FCGR1A: variants seen among roughly 807,000 people sequenced by gnomAD.
FCGR1A encodes the protein Fc gamma receptor Ia.
In FCGR1A, 13 loss-of-function variants were observed where a neutral mutation model predicts 35.0. That is an observed-to-expected ratio of 0.37 (90% CI 0.24 to 0.59). FCGR1A has a LOEUF of 0.59. FCGR1A is among the 20% of genes least tolerant of loss of function. FCGR1A has a pLI of 0.71. For missense variants in FCGR1A, 227 were observed against 430.0 expected, an observed-to-expected ratio of 0.53 and a Z score of 4.17; for synonymous variants, 91 against 164.7, an observed-to-expected ratio of 0.55 and a Z score of 3.43.
Position 149,790,345 on chromosome 1 carries a change from G to A in FCGR1A, c.844+7G>A. ...TTGGAGCTTCAAGTGCTTGGTGAGT[G>A]AGAATGACGGGAAGCCACTGGCACA... On this transcript the variant is annotated splice_region_variant and intron_variant, in intron 5 of 5. Coordinates refer to ENST00000369168, the MANE Select transcript of FCGR1A (RefSeq NM_000566.4). 6.3e-7 allele frequency: 1 copy of A among 1,585,376 alleles called. No homozygotes were observed. Among genetic ancestry groups the A allele is most frequent in the Non-Finnish European group, 8.6e-7 (1 of 1,166,080 alleles).
At chr1:149,784,335 T>C (rs1266558257) in intron 3 of FCGR1A, 78 bp downstream of exon 3, 1 of 1,611,482 alleles carries the variant, frequency 6.2e-7, no homozygotes, top group Admixed American at 1.7e-5. Flanking sequence ...ATGCCAGATG[T>C]GTGTGTGTCG....
At chr1:149,799,332 T>C in the FCGR1A span, among the ~76,000 whole-genome samples, 1 of 152,300 alleles carries the variant, frequency 6.6e-6, no homozygotes, top group Admixed American at 6.5e-5. Flanking sequence ...TTCATAAGCA[T>C]TTTCCCTGAA....
At chr1:149,790,024 A>C in intron 4 of FCGR1A, 30 bp from the exon 5 acceptor site, 1 of 1,611,734 alleles carries the variant, frequency 6.2e-7, no homozygotes, top group Non-Finnish European at 8.5e-7. Flanking sequence ...CTAAACAGGC[A>C]ACCTTGTCCC....
downstream of FCGR1A, chr1:149,793,219 TG>T: frequency 7.9e-7 from 1 of 1,268,772 alleles, no homozygotes; most frequent in African/African-American, 1.6e-5. Context: ...TTTCTTGGCT[TG>T]TCGCAAGAGC....
chr1:149,785,879 TA>T (rs2091536361), intron 3 of FCGR1A: 1 of 152,112 alleles, frequency 6.6e-6, no homozygotes, highest in South Asian at 2.1e-4. Flanking sequence ...GAACTTCATA[TA>T]AAGGGCTACG....
chr1:149,799,410 C>G, the FCGR1A span, among the ~76,000 whole-genome samples: 1 of 152,206 alleles, frequency 6.6e-6, no homozygotes, highest in Non-Finnish European at 1.5e-5. Context: ...TCCTTCTCAT[C>G]ATGTATGCTC....
At chr1:149,792,694 G>A (rs1317142824), downstream of FCGR1A, 26 of 1,281,798 alleles carry the variant, frequency 2.0e-5, 1 homozygote, top group East Asian at 1.1e-4. Flanking sequence ...ACCCAGCTGC[G>A]GCGAAAGCTG....
downstream of FCGR1A, chr1:149,793,128 C>A: frequency 7.8e-7 from 1 of 1,274,452 alleles, no homozygotes. Flanking sequence ...CAGGTGCGCC[C>A]GGCCGAGCCT....
At chr1:149,791,208 T>C (rs1553751804) in intron 5 of FCGR1A, 29 bp from the exon 6 acceptor site, 2 of 1,606,136 alleles carry the variant, frequency 1.2e-6, no homozygotes, top group Non-Finnish European at 1.7e-6. Flanking sequence ...CTAAATAGTA[T>C]CTCTTCTCTT....
downstream of FCGR1A, chr1:149,792,683 G>T (rs1449511065): frequency 4.7e-6 from 6 of 1,280,368 alleles, no homozygotes; most frequent in African/African-American, 6.3e-5. Context: ...AGCGCCCGGG[G>T]ACCCAGCTGC....
chr1:149,785,417 T>TG (rs1559743137), intron 3 of FCGR1A, among the ~76,000 whole-genome samples: 17 of 133,458 alleles, frequency 1.3e-4, no homozygotes, highest in African/African-American at 3.9e-4. Context: ...CGTTTTTTTT[T>TG]TTTTTTTTTT....
At chr1:149,797,074 G>A in the FCGR1A span, among the ~76,000 whole-genome samples, 2 of 151,980 alleles carry the variant, frequency 1.3e-5, no homozygotes, top group Admixed American at 6.6e-5. Context: ...CACCACACCC[G>A]GCTAATTTTT....
chr1:149,797,612 T>G, the FCGR1A span, among the ~76,000 whole-genome samples: 1 of 152,154 alleles, frequency 6.6e-6, no homozygotes, highest in African/African-American at 2.4e-5. Flanking sequence ...AGCGTTTGAG[T>G]TAAAAACTTA....
chr1:149,786,508 G>A (rs143192984), intron 3 of FCGR1A: 8,167 of 152,216 alleles, frequency 0.054, 233 homozygotes, highest in Non-Finnish European at 0.08. Context: ...TTTTGCCACA[G>A]TCAGCCATGG....
At chr1:149,787,299 T>C (rs2091578182) in intron 3 of FCGR1A, 1 of 152,252 alleles carries the variant, frequency 6.6e-6, no homozygotes, top group African/African-American at 2.4e-5. Flanking sequence ...ATTGTCTCTT[T>C]TCCGCCTTAG....
rs782500863 is a variant in FCGR1A, at chr1:149,791,309, A to C, written c.917A>C (p.Asn306Thr). The change falls in exon 6 of 6, where the codon AAC (asparagine) becomes ACC (threonine). Residue 306 changes from asparagine to threonine, a missense_variant. Transcript: ENST00000369168. ...YLAVGIMFLVNTVLWVTIRKE... is the reference protein window; with the variant it reads ...YLAVGIMFLVTTVLWVTIRKE... ...GCAGTGGGAATAATGTTTTTAGTGA[A>C]CACTGTTCTCTGGGTGACAATACGT... The C allele has an allele frequency of 1.1e-5, 17 of 1,600,596 alleles. 2 individuals carry two copies. Among genetic ancestry groups the C allele is most frequent in the Middle Eastern group, 2.3e-4 (1 of 4,396 alleles).
At chr1:149,788,170 C>T (rs608125) in intron 3 of FCGR1A, 196 bp from the exon 4 acceptor site, 309 of 896,802 alleles carry the variant, frequency 3.4e-4, no homozygotes, top group African/African-American at 1.6e-3. Context: ...GGGCTGTGTA[C>T]GCAGTTGCCA....
chr1:149,788,740 T>G, intron 4 of FCGR1A, 123 bp downstream of exon 4: 2 of 1,133,540 alleles, frequency 1.8e-6, no homozygotes, highest in Non-Finnish European at 1.3e-6. Context: ...GTAAACTGCA[T>G]TACTAAAGGC....
chr1:149,793,114 G>T (rs1553752360), downstream of FCGR1A: 4 of 1,273,766 alleles, frequency 3.1e-6, no homozygotes, highest in Non-Finnish European at 4.1e-6. Flanking sequence ...GATGCTGCCG[G>T]CCTCAGGTGC....
Sources: gnomAD v4.1 joint callset for allele counts (sites outside exome capture counted in the v4.1 genomes callset) on GRCh38, gnomAD v4.1.1 for gene constraint, MANE v1.5 for transcripts, NCBI Gene and HGNC (gene_info 2026-07-23, HGNC 2026-07-21) for gene names.